The following MAGI1 variants were observed in gnomAD, a reference collection of about 807,000 sequenced individuals.
The protein encoded by MAGI1 is membrane-associated guanylate kinase, WW and PDZ domain-containing protein 1.
A neutral mutation model predicts 139.9 loss-of-function variants in MAGI1; 58 were observed. That is an observed-to-expected ratio of 0.41 (90% confidence interval 0.34 to 0.52). The LOEUF (loss-of-function observed/expected upper bound fraction) is 0.52. MAGI1 is among the 20% of genes least tolerant of loss of function. The pLI is 0.12. For synonymous variants in MAGI1, 812 were observed against 737.9 expected, an observed-to-expected ratio of 1.10 and a Z score of -1.63; for missense variants, 1,874 against 1,901.6, an observed-to-expected ratio of 0.99 and a Z score of 0.27.
intron 1 of MAGI1, among the ~76,000 whole-genome samples, chr3:65,869,270 A>C (rs1385427612): frequency 6.6e-6 from 1 of 151,066 alleles, no homozygotes; most frequent in Non-Finnish European, 1.5e-5. Flanking sequence ...AAAAAAAAAA[A>C]ACAACAACTA....
chr3:65,783,252 C>G (rs1341056810), intron 1 of MAGI1, among the ~76,000 whole-genome samples: 1 of 151,958 alleles, frequency 6.6e-6, no homozygotes, highest in Non-Finnish European at 1.5e-5. Flanking sequence ...TACAAGGGAC[C>G]AATAAGCTCA....
chr3:65,784,036 T>C (rs190305561), intron 1 of MAGI1, among the ~76,000 whole-genome samples: 12 of 151,764 alleles, frequency 7.9e-5, no homozygotes, highest in African/African-American at 2.9e-4. Context: ...GGCAGGAGAA[T>C]CCCTTGAACC....
intron 2 of MAGI1, among the ~76,000 whole-genome samples, chr3:65,514,107 G>A (rs1415821428): frequency 6.7e-6 from 1 of 149,258 alleles, no homozygotes; most frequent in African/African-American, 2.5e-5. Context: ...CTAGCCATAT[G>A]TAGAAAGCTG....
At chr3:65,936,967 T>C (rs1576153584) in intron 1 of MAGI1, among the ~76,000 whole-genome samples, 1 of 150,986 alleles carries the variant, frequency 6.6e-6, no homozygotes, top group Admixed American at 6.6e-5. Context: ...GTGGTGGTGG[T>C]GGTGATGGTG....
chr3:65,584,599 G>C (rs1479947336), intron 2 of MAGI1, among the ~76,000 whole-genome samples: 2 of 151,944 alleles, frequency 1.3e-5, no homozygotes, highest in African/African-American at 4.8e-5. Flanking sequence ...CAGAAGGAAG[G>C]AAGCAAGTAC....
chr3:66,006,454 T>G (rs1227857080), intron 1 of MAGI1, among the ~76,000 whole-genome samples: 1 of 152,232 alleles, frequency 6.6e-6, no homozygotes, highest in African/African-American at 2.4e-5. Context: ...TACATGTATA[T>G]GTGTTTATGT....
intron 12 of MAGI1, among the ~76,000 whole-genome samples, chr3:65,408,655 C>A (rs932267112): frequency 6.6e-6 from 1 of 152,144 alleles, no homozygotes; most frequent in African/African-American, 2.4e-5. Context: ...TCCTGCCAAC[C>A]AGTTTTTTGT....
intron 1 of MAGI1, among the ~76,000 whole-genome samples, chr3:65,787,343 G>T (rs1041219808): frequency 6.6e-6 from 1 of 151,758 alleles, no homozygotes; most frequent in African/African-American, 2.4e-5. Flanking sequence ...AAAAGAAACC[G>T]GATCACCAAA....
intron 1 of MAGI1, among the ~76,000 whole-genome samples, chr3:65,827,820 T>G (rs578248631): frequency 1.3e-5 from 2 of 152,354 alleles, no homozygotes; most frequent in South Asian, 4.1e-4. Context: ...ATATTTATAT[T>G]CACATTTATA....
At chr3:65,910,489 A>G (rs2061611261) in intron 1 of MAGI1, among the ~76,000 whole-genome samples, 1 of 152,234 alleles carries the variant, frequency 6.6e-6, no homozygotes, top group African/African-American at 2.4e-5. Context: ...CACCATTGCA[A>G]ATGGCTTTCC....
chr3:65,692,453 G>A (rs1559792133), intron 1 of MAGI1, among the ~76,000 whole-genome samples: 3 of 152,126 alleles, frequency 2.0e-5, no homozygotes, highest in South Asian at 2.1e-4. Context: ...TCCTAGCCCT[G>A]AGTCCCTCAC....
intron 1 of MAGI1, among the ~76,000 whole-genome samples, chr3:65,855,612 TG>T (rs2059349506): frequency 1.7e-3 from 1 of 598 alleles, no homozygotes. Flanking sequence ...AGACGGGAGA[TG>T]GGGAGGAGAG....
In MAGI1 at chr3:65,364,767, C is replaced by T. The variant is rs1297214559; in HGVS notation, c.3291-42G>A. 4 of 1,608,486 alleles carry T rather than the reference C, an allele frequency of 2.5e-6. No homozygotes were observed. The South Asian group carries it at 4.4e-5, about 18-fold the overall frequency. On this transcript the variant is annotated intron_variant, in intron 19 of 22. Transcript: ENST00000402939. ...AATAAATATAAGAGCAACCCATTAG[C>T]AAACTGAGAAAGAATCAAGGACATA...
intron 2 of MAGI1, among the ~76,000 whole-genome samples, chr3:65,514,341 CA>C (rs2077749874): frequency 1.3e-5 from 1 of 78,980 alleles, no homozygotes; most frequent in Non-Finnish European, 2.6e-5. Context: ...TTCTGCACAG[CA>C]AAAGAAACTA....
intron 16 of MAGI1, among the ~76,000 whole-genome samples, chr3:65,380,061 C>G (rs529478135): frequency 6.6e-6 from 1 of 152,204 alleles, no homozygotes; most frequent in African/African-American, 2.4e-5. Flanking sequence ...TGAGGCTACC[C>G]GCCCTATGTG....
At chr3:65,753,255 C>G (rs1042231899) in intron 1 of MAGI1, among the ~76,000 whole-genome samples, 9 of 152,090 alleles carry the variant, frequency 5.9e-5, no homozygotes, top group African/African-American at 1.7e-4. Context: ...GAGACCTAAA[C>G]TGTCCAGGCT....
chr3:65,601,405 T>C (rs1433604445), intron 2 of MAGI1, among the ~76,000 whole-genome samples: 1 of 152,212 alleles, frequency 6.6e-6, no homozygotes, highest in Non-Finnish European at 1.5e-5. Flanking sequence ...ATCTGCAGGA[T>C]GTACCCATAT....
chr3:65,944,993 A>G (rs887237606), intron 1 of MAGI1, among the ~76,000 whole-genome samples: 1 of 152,216 alleles, frequency 6.6e-6, no homozygotes, highest in Non-Finnish European at 1.5e-5. Context: ...GAAATAGAGG[A>G]CGGGAACCAA....
intron 1 of MAGI1, among the ~76,000 whole-genome samples, chr3:65,724,443 G>T (rs1215834912): frequency 6.6e-6 from 1 of 152,174 alleles, no homozygotes; most frequent in Non-Finnish European, 1.5e-5. Context: ...AAGTCTTTGG[G>T]TAGGAAATTT....
Sources: gnomAD v4.1 joint callset for allele counts (sites outside exome capture counted in the v4.1 genomes callset) on GRCh38, gnomAD v4.1.1 for gene constraint, MANE v1.5 for transcripts, NCBI Gene and HGNC (gene_info 2026-07-23, HGNC 2026-07-21) for gene names.